Variants in RERG observed in about 807,000 individuals in gnomAD.
The protein encoded by RERG is ras-related and estrogen-regulated growth inhibitor.
Under a neutral mutation model 23.2 loss-of-function variants are expected in RERG, and 25 were observed. The ratio of observed to expected loss-of-function variants is 1.08; its 90% CI spans 0.79 to 1.50. The LOEUF is 1.50. Ranked by LOEUF, RERG falls within the 40% of genes most tolerant of loss-of-function variation. The pLI is 0.00. For missense variants in RERG, 253 were observed against 250.1 expected, an observed-to-expected ratio of 1.01 and a Z score of -0.08; for synonymous variants, 81 against 89.1, an observed-to-expected ratio of 0.91 and a Z score of 0.51.
At chr12:15,202,850 T>C (rs1865236451) in intron 2 of RERG, among the ~76,000 whole-genome samples, 1 of 151,768 alleles carries the variant, frequency 6.6e-6, no homozygotes, top group Admixed American at 6.6e-5. Flanking sequence ...GTAGTTCTAA[T>C]TTTAAATTTC....
At chr12:15,210,267 A>G (rs1865348058) in intron 2 of RERG, among the ~76,000 whole-genome samples, 1 of 152,240 alleles carries the variant, frequency 6.6e-6, no homozygotes, top group African/African-American at 2.4e-5. Context: ...AAAACAAGTC[A>G]AGATCAAAAT....
At position 15,128,127 on chromosome 12, in the gene RERG, A is replaced by G. The variant is rs1321889874; in HGVS notation, c.62-7008T>C. The stretch of plus-strand genomic sequence containing the variant: ...GTTTGATTTTTTTTAACGTGAGCGT[A>G]CATCTTATGGAGAAGCATGCTTTGA... On this transcript the variant is annotated intron_variant, in intron 2 of 4. Coordinates refer to ENST00000256953, the MANE Select transcript of RERG (RefSeq NM_032918.3). Among the ~76,000 whole-genome samples the G allele has an allele frequency of 5.3e-5, 8 of 152,164 alleles. No individual in the cohort carries two copies. In the East Asian group the frequency reaches 1.3e-3, roughly 26 times the overall value.
intron 2 of RERG, among the ~76,000 whole-genome samples, chr12:15,183,034 T>C (rs1864944659): frequency 6.6e-6 from 1 of 152,148 alleles, no homozygotes; most frequent in Non-Finnish European, 1.5e-5. Context: ...TGAGCCATGA[T>C]TGCACCACTG....
intron 3 of RERG, among the ~76,000 whole-genome samples, chr12:15,117,216 T>C (rs1044746086): frequency 7.3e-5 from 11 of 151,296 alleles, no homozygotes; most frequent in Non-Finnish European, 4.4e-5. Flanking sequence ...CAGTTAGTTA[T>C]GTTGATTTAT....
At chr12:15,133,694 A>G (rs1265202324) in intron 2 of RERG, among the ~76,000 whole-genome samples, 3 of 146,538 alleles carry the variant, frequency 2.0e-5, no homozygotes, top group Non-Finnish European at 3.0e-5. Context: ...TAGCTACACC[A>G]CTTTTGATCC....
chr12:15,219,988 T>A, intron 1 of RERG, among the ~76,000 whole-genome samples: 1 of 152,234 alleles, frequency 6.6e-6, no homozygotes, highest in Non-Finnish European at 1.5e-5. Flanking sequence ...ATTTTATGTT[T>A]AGAAAAATCA....
chr12:15,109,335 G>A lies in RERG; in HGVS notation c.375C>T (p.Ser125=), dbSNP rs1171202083. The A allele has an allele frequency of 1.2e-6, 2 of 1,614,098 alleles. No homozygotes were observed. The highest frequency in any genetic ancestry group is 1.7e-5 in the Admixed American group (1 of 60,016). The change falls in exon 5 of 5, where the codon TCC becomes TCT. Residue 125 remains serine, a synonymous_variant. Coordinates refer to ENST00000256953, the MANE Select transcript of RERG (RefSeq NM_032918.3). ...CTCCTTCTTCTGTGCTAACCTGCCTGGAGTGGTCCAAGTCAGCTTTGTTTC... is the reference window on the plus strand; with the variant it reads ...CTCCTTCTTCTGTGCTAACCTGCCTAGAGTGGTCCAAGTCAGCTTTGTTTC... ...LVGNKADLDH[S]RQVSTEEGEK...
chr12:15,214,519 T>C (rs1404584978), intron 2 of RERG, among the ~76,000 whole-genome samples: 2 of 152,216 alleles, frequency 1.3e-5, no homozygotes, highest in Non-Finnish European at 2.9e-5. Context: ...CCAGCAGGTA[T>C]AATTTCTTGC....
intron 2 of RERG, among the ~76,000 whole-genome samples, chr12:15,175,002 T>A (rs1325555597): frequency 6.6e-6 from 1 of 152,162 alleles, no homozygotes; most frequent in East Asian, 1.9e-4. Context: ...TTCCTGTGTA[T>A]GGATAATTCT....
chr12:15,181,804 G>T (rs569377274), intron 2 of RERG, among the ~76,000 whole-genome samples: 2 of 152,308 alleles, frequency 1.3e-5, no homozygotes, highest in African/African-American at 4.8e-5. Context: ...ATGGAGAAAA[G>T]AAAGTGAGAA....
chr12:15,130,701 G>C (rs1864030979), intron 2 of RERG, among the ~76,000 whole-genome samples: 1 of 152,184 alleles, frequency 6.6e-6, no homozygotes, highest in Non-Finnish European at 1.5e-5. Flanking sequence ...TGGGGGTCTA[G>C]GGATTGCTTT....
chr12:15,211,913 G>T (rs1253467248), intron 2 of RERG, among the ~76,000 whole-genome samples: 3 of 152,010 alleles, frequency 2.0e-5, no homozygotes, highest in Admixed American at 2.0e-4. Context: ...TCCTCAAGGA[G>T]GTAGAAACTG....
At chr12:15,199,850 A>T (rs1339215277) in intron 2 of RERG, among the ~76,000 whole-genome samples, 2 of 152,142 alleles carry the variant, frequency 1.3e-5, no homozygotes, top group Middle Eastern at 3.2e-3. Flanking sequence ...GATTAAAATA[A>T]ATTTCAGATT....
intron 2 of RERG, among the ~76,000 whole-genome samples, chr12:15,190,604 T>A (rs181786846): frequency 6.6e-6 from 1 of 152,214 alleles, no homozygotes; most frequent in Non-Finnish European, 1.5e-5. Flanking sequence ...ACATTTAGAA[T>A]ATACAGGTTA....
intron 2 of RERG, among the ~76,000 whole-genome samples, chr12:15,195,086 G>A (rs936123339): frequency 6.6e-6 from 1 of 152,078 alleles, no homozygotes; most frequent in Non-Finnish European, 1.5e-5. Flanking sequence ...ATTAATGCTT[G>A]CAAAGTGGCT....
chr12:15,160,406 T>C (rs1459182212), intron 2 of RERG, among the ~76,000 whole-genome samples: 1 of 152,008 alleles, frequency 6.6e-6, no homozygotes, highest in Non-Finnish European at 1.5e-5. Context: ...TTAGAAAACT[T>C]TTGTTAAGGG....
intron 3 of RERG, 66 bp downstream of exon 3, chr12:15,120,997 A>T: frequency 8.4e-7 from 1 of 1,185,340 alleles, no homozygotes; most frequent in South Asian, 1.3e-5. Flanking sequence ...GCAACAGAAA[A>T]CATTATTCTT....
intron 2 of RERG, among the ~76,000 whole-genome samples, chr12:15,174,475 A>AGTGTGT (rs35380924): frequency 7.5e-4 from 111 of 147,986 alleles, no homozygotes; most frequent in African/African-American, 2.5e-3. Flanking sequence ...GAGTTTGTTG[A>AGTGTGT]GTGTGTGTGT....
intron 2 of RERG, among the ~76,000 whole-genome samples, chr12:15,147,814 T>C (rs537190338): frequency 6.6e-6 from 1 of 152,350 alleles, no homozygotes; most frequent in South Asian, 2.1e-4. Context: ...CTACCAGTTC[T>C]ATACAATCAA....
Sources: gnomAD v4.1 joint callset for allele counts (sites outside exome capture counted in the v4.1 genomes callset) on GRCh38, gnomAD v4.1.1 for gene constraint, MANE v1.5 for transcripts, NCBI Gene and HGNC (gene_info 2026-07-23, HGNC 2026-07-21) for gene names.